The following MAP7D1 variants were observed in gnomAD, a reference collection of about 807,000 sequenced individuals.
MAP7D1 encodes MAP7 domain-containing protein 1.
In MAP7D1, 30 loss-of-function variants were observed where a neutral mutation model predicts 97.5. The observed-to-expected ratio is 0.31, with a 90% CI of 0.23 to 0.42. The LOEUF is 0.42. MAP7D1 is among the 10% of genes least tolerant of loss of function. The probability of loss-of-function intolerance (pLI) is 1.00; values close to 1 mark genes in which losing one functional copy is unlikely to be tolerated. For synonymous variants in MAP7D1, 536 were observed against 477.1 expected, an observed-to-expected ratio of 1.12 and a Z score of -1.61; for missense variants, 1,184 against 1,179.5, an observed-to-expected ratio of 1.00 and a Z score of -0.06.
At chr1:36,160,366 C>T (rs991553555) in intron 1 of MAP7D1, among the ~76,000 whole-genome samples, 5 of 152,180 alleles carry the variant, frequency 3.3e-5, no homozygotes, top group East Asian at 1.9e-4. Flanking sequence ...CGCTCCTCAG[C>T]AGTTGTAAGA....
chr1:36,177,689 A>C (rs1570164224), intron 8 of MAP7D1, 184 bp from the exon 9 acceptor site: 3 of 898,874 alleles, frequency 3.3e-6, no homozygotes, highest in Non-Finnish European at 5.1e-6. Context: ...AATCCCACAG[A>C]AACATGTCAT....
Position 36,176,728 on chromosome 1 carries a change from G to C in MAP7D1, c.1265G>C (p.Arg422Pro), listed in dbSNP as rs752355109. ...AAAAAGGAGAAGAAGGACAAGGAGC[G>C]GGAAAACGAGAAGGAGAAGAGTGCC... ...VQKKEKKDKE[R>P]ENEKEKSALA... Residue 422 changes from arginine (R) to proline (P), a missense_variant, in exon 8 of 17, where the codon CGG becomes CCG. By Grantham distance (103) the Arg-to-Pro change is moderately radical. Coordinates refer to ENST00000474796, the MANE Select transcript of MAP7D1 (RefSeq NM_001388490.1). The surrounding 1 kb of genome is among the most constrained non-coding windows in gnomAD (Gnocchi z 6.1). The C allele has an allele frequency of 6.2e-7, 1 of 1,603,484 alleles. No individual in the cohort carries two copies. The highest frequency in any genetic ancestry group is 8.5e-7 in the Non-Finnish European group (1 of 1,175,676).
Position 36,180,446 on chromosome 1 carries a change from C to A in MAP7D1, c.*188C>A, listed in dbSNP as rs1644701256. ...TTTGGCCGGAGCCAGATCTGCCCCT[C>A]AGTGCATTCGTGTGCTCGCACGCGC... On this transcript the variant is annotated 3_prime_UTR_variant, in exon 17 of 17. Coordinates refer to ENST00000474796, the MANE Select transcript of MAP7D1 (RefSeq NM_001388490.1). The A allele has an allele frequency of 1.3e-6, 1 of 754,118 alleles. No individual in the cohort carries two copies. The highest frequency in any genetic ancestry group is 1.6e-5 in the South Asian group (1 of 61,772). 46.7% of individuals were successfully genotyped at this position (754,118 alleles called of 1,614,324 possible).
intron 8 of MAP7D1, chr1:36,177,599 C>G: frequency 1.4e-6 from 1 of 693,578 alleles, no homozygotes; most frequent in South Asian, 1.5e-5. Context: ...GCTGAGGACA[C>G]GTTGCTGAGC....
At chr1:36,171,934 CAAAAAAAAAAAAA>C (rs10631607) in intron 3 of MAP7D1, 4 of 62,900 alleles carry the variant, frequency 6.4e-5, no homozygotes, top group Non-Finnish European at 8.4e-5. Context: ...AACTCCGTCT[CAAAAAAAAAAAAA>C]AAAAAAAAAA....
intron 5 of MAP7D1, 80 bp from the exon 6 acceptor site, chr1:36,174,818 C>T: frequency 1.3e-6 from 1 of 765,778 alleles, no homozygotes. Context: ...GCCCTCGGAG[C>T]ATCCTGCATG....
Position 36,180,502 on chromosome 1 carries a change from A to G in MAP7D1, c.*244A>G. ...TCCCTTCTCCCCCATACACACATAT[A>G]CACTCACAGCCTCTCTGGCCTCTTC... On this transcript the variant is annotated 3_prime_UTR_variant, in exon 17 of 17. Coordinates refer to ENST00000474796, the MANE Select transcript of MAP7D1 (RefSeq NM_001388490.1). The G allele has an allele frequency of 1.7e-6, 1 of 577,894 alleles. No homozygotes were observed. The highest frequency in any genetic ancestry group is 3.1e-6 in the Non-Finnish European group (1 of 323,108). 35.8% of individuals were successfully genotyped at this position (577,894 alleles called of 1,614,324 possible). A position where few individuals can be genotyped will look rare whatever the true frequency, so the allele number is the denominator to read the frequency against.
intron 1 of MAP7D1, among the ~76,000 whole-genome samples, chr1:36,163,809 C>CTTT (rs1342528613): frequency 8.2e-6 from 1 of 122,296 alleles, no homozygotes; most frequent in African/African-American, 3.2e-5. Flanking sequence ...TAGATATATA[C>CTTT]TTTTTTTCTT....
chr1:36,156,350 C>G lies in MAP7D1; in HGVS notation c.-68C>G, dbSNP rs1644328332. On this transcript the variant is annotated 5_prime_UTR_variant, in exon 1 of 17. Coordinates refer to ENST00000474796, the MANE Select transcript of MAP7D1 (RefSeq NM_001388490.1). ...CCGGGCGTGATGCGCCGCGGGACCC[C>G]TGTCCTGGCCACTGGCCGCCGCCGC... 2 of 1,379,174 alleles carry G rather than the reference C, an allele frequency of 1.5e-6. No homozygotes were observed. The highest frequency in any genetic ancestry group is 1.9e-6 in the Non-Finnish European group (2 of 1,038,578). The allele number at this position is 1,379,174 out of a possible 1,614,324, so 85.4% of individuals were successfully genotyped here. A position where few individuals can be genotyped will look rare whatever the true frequency, so the allele number is the denominator to read the frequency against.
intron 1 of MAP7D1, among the ~76,000 whole-genome samples, chr1:36,156,846 C>T (rs1423054175): frequency 5.9e-5 from 9 of 152,212 alleles, no homozygotes; most frequent in Non-Finnish European, 1.0e-4. Context: ...TCCCCATCCC[C>T]CGTGGCACAT....
At chr1:36,175,382 G>A (rs141754493) in intron 6 of MAP7D1, among the ~76,000 whole-genome samples, 11 of 152,298 alleles carry the variant, frequency 7.2e-5, no homozygotes, top group African/African-American at 2.2e-4. Flanking sequence ...GTCCCCATGT[G>A]TCAGACTGGC....
chr1:36,157,418 T>G (rs925294101), intron 1 of MAP7D1: 2 of 151,940 alleles, frequency 1.3e-5, no homozygotes, highest in Non-Finnish European at 2.9e-5. Flanking sequence ...AAAGCTCCCC[T>G]CCCCTCCCTC....
rs748258923 is a variant in MAP7D1 at position 36,178,810 on chromosome 1, G to C, written c.2012G>C (p.Arg671Pro). 2.6e-6 allele frequency: 4 copies of C among 1,545,456 alleles called. No homozygotes were observed. In the Admixed American group the frequency reaches 7.9e-5, roughly 31 times the overall value. Reference protein sequence around the residue: ...KAQAEQEEQERLQKQKEEAEA... With the variant: ...KAQAEQEEQEPLQKQKEEAEA... ...CAGGCCGAGCAGGAGGAGCAGGAGC[G>C]GCTGCAGAAGCAGGTGCCCCCGGCG... Residue 671 changes from arginine to proline, a missense_variant, in exon 11 of 17, where the codon CGG becomes CCG. Coordinates refer to ENST00000474796, the MANE Select transcript of MAP7D1 (RefSeq NM_001388490.1).
chr1:36,173,381 C>T lies in MAP7D1; in HGVS notation c.642C>T (p.Ala214=). 1.9e-6 allele frequency: 3 copies of T among 1,613,826 alleles called. No individual in the cohort carries two copies. The highest frequency in any genetic ancestry group is 2.2e-5 in the South Asian group (2 of 91,018). The change falls in exon 5 of 17, where the codon GCC becomes GCT. Residue 214 remains alanine, a synonymous_variant. Transcript: ENST00000474796. ...TCCCCCAGGAGCGCTATGAAGCAGC[C>T]ATCCAACGGTCAGTGAAGAAGACGT... ...LEKNKERYEA[A]IQRSVKKTWA... is the part of the protein sequence containing the mutation.
At chr1:36,178,891 G>T (rs1425328062) in intron 11 of MAP7D1, 30 bp from the exon 12 acceptor site, 17 of 1,550,348 alleles carry the variant, frequency 1.1e-5, no homozygotes, top group Non-Finnish European at 1.4e-5. Flanking sequence ...CTGGAGTCAA[G>T]TGCCCCACGC....
intron 1 of MAP7D1, among the ~76,000 whole-genome samples, chr1:36,167,330 A>T (rs1644485228): frequency 1.3e-5 from 2 of 152,196 alleles, no homozygotes; most frequent in Admixed American, 6.5e-5. Context: ...TTCAAGGAGC[A>T]GTCAGAAATC....
At chr1:36,174,692 C>T (rs569196293) in intron 5 of MAP7D1, among the ~76,000 whole-genome samples, 7 of 151,892 alleles carry the variant, frequency 4.6e-5, no homozygotes, top group Admixed American at 1.3e-4. Flanking sequence ...CCTTCTCCGT[C>T]GGCTCCCCCA....
chr1:36,176,915 G>C lies in MAP7D1; in HGVS notation c.1379+73G>C. 4.6e-6 allele frequency: 6 copies of C among 1,317,632 alleles called. No individual in the cohort carries two copies. Among genetic ancestry groups the C allele is most frequent in the Non-Finnish European group, 6.3e-6 (6 of 948,322 alleles). The allele number at this position is 1,317,632 out of a possible 1,614,324, so 81.6% of individuals were successfully genotyped here. A position where few individuals can be genotyped will look rare whatever the true frequency, so the allele number is the denominator to read the frequency against. On this transcript the variant is annotated intron_variant, in intron 8 of 16. Transcript: ENST00000474796. This position sits in a 1 kb window ranked among gnomAD's most constrained non-coding sequence, Gnocchi z 6.1. ...TTCATCACCCACAAATATTTGTTGG[G>C]CAACCACCTCTAGAATGCAACTTCC...
chr1:36,175,963 G>A (rs942025089), intron 6 of MAP7D1, among the ~76,000 whole-genome samples: 2 of 152,194 alleles, frequency 1.3e-5, no homozygotes, highest in African/African-American at 4.8e-5. Flanking sequence ...CGTTGTAGGC[G>A]GGGACCCTCA....
Sources: allele counts gnomAD v4.1 joint callset (sites outside exome capture counted in the v4.1 genomes callset), GRCh38; gene constraint gnomAD v4.1.1; non-coding constraint Gnocchi (gnomAD v3.1); transcripts MANE v1.5; gene names NCBI Gene and HGNC (gene_info 2026-07-23, HGNC 2026-07-21).